The following DCC variants were observed in gnomAD, a reference collection of about 807,000 sequenced individuals.
The protein encoded by DCC is DCC netrin 1 receptor.
A neutral mutation model predicts 172.5 loss-of-function variants in DCC; 58 were observed. The ratio of observed to expected loss-of-function variants is 0.34; its 90% CI spans 0.27 to 0.42. The LOEUF is 0.42. Among genes scored for constraint, DCC ranks in the 10% least tolerant of loss-of-function variants. The pLI is 1.00. For synonymous variants in DCC, 709 were observed against 644.5 expected, an observed-to-expected ratio of 1.10 and a Z score of -1.52; for missense variants, 1,740 against 1,791.0, an observed-to-expected ratio of 0.97 and a Z score of 0.51.
At chr18:52,363,121 G>A (rs981718307) in intron 1 of DCC, among the ~76,000 whole-genome samples, 3 of 151,948 alleles carry the variant, frequency 2.0e-5, no homozygotes, top group East Asian at 1.9e-4. Flanking sequence ...CAAGTGATCC[G>A]CCACCTCAGC....
intron 7 of DCC, among the ~76,000 whole-genome samples, chr18:53,099,836 G>T (rs1318990101): frequency 1.3e-5 from 2 of 151,544 alleles, no homozygotes; most frequent in East Asian, 3.9e-4. Context: ...TGTCAACATT[G>T]TTGCCTTGGA....
At chr18:52,766,183 A>G (rs974983957) in intron 2 of DCC, among the ~76,000 whole-genome samples, 1 of 152,202 alleles carries the variant, frequency 6.6e-6, no homozygotes, top group Non-Finnish European at 1.5e-5. Flanking sequence ...GGAGCGCACA[A>G]GCGAGCAGGT....
At chr18:52,753,260 A>G (rs1480652257) in intron 2 of DCC, among the ~76,000 whole-genome samples, 13 of 152,176 alleles carry the variant, frequency 8.5e-5, no homozygotes, top group Non-Finnish European at 1.6e-4. Context: ...ATTTTTAAGA[A>G]AAAGGAAAGA....
At chr18:52,825,929 A>AGG (rs544358434) in intron 2 of DCC, among the ~76,000 whole-genome samples, 15 of 152,266 alleles carry the variant, frequency 9.9e-5, no homozygotes, top group African/African-American at 3.4e-4. Flanking sequence ...TTTTCTCCTG[A>AGG]GGGGGGGAAA....
chr18:53,192,316 G>A (rs1234318067), intron 9 of DCC, among the ~76,000 whole-genome samples: 1 of 152,146 alleles, frequency 6.6e-6, no homozygotes, highest in East Asian at 1.9e-4. Flanking sequence ...TATTGTTGCT[G>A]CTATTGGGAA....
intron 5 of DCC, among the ~76,000 whole-genome samples, chr18:52,963,225 A>T (rs1369999321): frequency 3.3e-5 from 5 of 151,904 alleles, no homozygotes; most frequent in East Asian, 1.9e-4. Flanking sequence ...TTTTTTAAAA[A>T]TTTTTATCTA....
chr18:53,479,043 A>G (rs2045801268), intron 25 of DCC, among the ~76,000 whole-genome samples: 1 of 152,184 alleles, frequency 6.6e-6, no homozygotes, highest in African/African-American at 2.4e-5. Context: ...GATGCCCACA[A>G]CCAACCAAGA....
chr18:53,234,671 C>T (rs1013481177), intron 12 of DCC, among the ~76,000 whole-genome samples: 11 of 152,200 alleles, frequency 7.2e-5, no homozygotes, highest in African/African-American at 2.4e-4. Context: ...CATCCAAATC[C>T]CTTGGCAATT....
intron 5 of DCC, among the ~76,000 whole-genome samples, chr18:52,939,671 ATATT>A (rs1295364241): frequency 2.0e-5 from 3 of 152,072 alleles, no homozygotes; most frequent in South Asian, 2.1e-4. Context: ...ACTATTTTTA[ATATT>A]TATTTTTCTC....
intron 2 of DCC, among the ~76,000 whole-genome samples, chr18:52,822,609 G>C (rs1363756279): frequency 2.0e-5 from 3 of 152,208 alleles, no homozygotes; most frequent in Admixed American, 1.3e-4. Context: ...TTGAGAGAAT[G>C]TCAAGCTGCT....
At chr18:52,923,640 C>A in intron 3 of DCC, 67 bp from the exon 4 acceptor site, 7 of 1,285,518 alleles carry the variant, frequency 5.4e-6, no homozygotes, top group East Asian at 2.3e-5. Context: ...GGAAAAAAAT[C>A]AAAATATATC....
chr18:52,797,112 T>C (rs534234389), intron 2 of DCC, among the ~76,000 whole-genome samples: 1 of 152,242 alleles, frequency 6.6e-6, no homozygotes, highest in South Asian at 2.1e-4. Context: ...CTAGGACTTT[T>C]GGTGCTCTTA....
At chr18:52,503,097 A>G (rs2031094704) in intron 1 of DCC, among the ~76,000 whole-genome samples, 1 of 152,184 alleles carries the variant, frequency 6.6e-6, no homozygotes. Flanking sequence ...TTATACTCTT[A>G]CTTATTTTAC....
At chr18:52,898,023 T>C (rs1365381032) in intron 2 of DCC, among the ~76,000 whole-genome samples, 1 of 152,224 alleles carries the variant, frequency 6.6e-6, no homozygotes, top group African/African-American at 2.4e-5. Flanking sequence ...ATTCTCTGCC[T>C]TTTGGCTAAT....
chr18:53,365,121 T>G (rs756877792), intron 15 of DCC, among the ~76,000 whole-genome samples: 1 of 146,676 alleles, frequency 6.8e-6, no homozygotes, highest in Admixed American at 6.9e-5. Context: ...TCCCCCTTCC[T>G]GTGTCTAAGT....
At chr18:53,528,139 C>T (rs891444692) in intron 28 of DCC, among the ~76,000 whole-genome samples, 2 of 152,060 alleles carry the variant, frequency 1.3e-5, no homozygotes, top group Admixed American at 6.6e-5. Flanking sequence ...ATTATACTTT[C>T]TTTTGATATC....
chr18:52,881,667 G>T (rs1003384786), intron 2 of DCC, among the ~76,000 whole-genome samples: 1 of 152,092 alleles, frequency 6.6e-6, no homozygotes, highest in Non-Finnish European at 1.5e-5. Context: ...CTATGTGTCT[G>T]GATTTATGCC....
At chr18:52,530,606 G>A (rs2032121131) in intron 1 of DCC, among the ~76,000 whole-genome samples, 1 of 152,144 alleles carries the variant, frequency 6.6e-6, no homozygotes, top group South Asian at 2.1e-4. Flanking sequence ...TTTCTTCAGT[G>A]TTCTTCCTAC....
At chr18:52,533,082 G>A (rs2032196877) in intron 1 of DCC, among the ~76,000 whole-genome samples, 1 of 151,966 alleles carries the variant, frequency 6.6e-6, no homozygotes, top group African/African-American at 2.4e-5. Context: ...AGTTTTTATT[G>A]AAATAATCAT....
Sources: gnomAD v4.1 joint callset for allele counts (sites outside exome capture counted in the v4.1 genomes callset) on GRCh38, gnomAD v4.1.1 for gene constraint, MANE v1.5 for transcripts, NCBI Gene and HGNC (gene_info 2026-07-23, HGNC 2026-07-21) for gene names.